CLEC9A: variants seen among roughly 807,000 people sequenced by gnomAD.
The protein encoded by CLEC9A is C-type lectin domain containing 9A.
In CLEC9A, 24 loss-of-function variants were observed where a neutral mutation model predicts 30.0. That is an observed-to-expected ratio of 0.80 (90% CI 0.58 to 1.13). The LOEUF (loss-of-function observed/expected upper bound fraction) is 1.13. CLEC9A is among the 50% of genes most tolerant of loss of function. The pLI is 0.00. For synonymous variants in CLEC9A, 111 were observed against 96.8 expected (o/e 1.15, Z -0.86); for missense variants, 251 against 280.9 (o/e 0.89, Z 0.76).
chr12:10,059,242 A>C (rs1046396321), intron 5 of CLEC9A, among the ~76,000 whole-genome samples: 2 of 152,246 alleles, frequency 1.3e-5, no homozygotes, highest in East Asian at 3.8e-4. Flanking sequence ...TAAAGAATCC[A>C]GAAACAGACT....
At chr12:10,060,936 G>C (rs1439549453) in intron 5 of CLEC9A, 191 bp from the exon 6 acceptor site, 1 of 561,952 alleles carries the variant, frequency 1.8e-6, no homozygotes, top group Non-Finnish European at 2.8e-6. Flanking sequence ...TGGGTGCAAA[G>C]AGACATTTTG....
intron 2 of CLEC9A, among the ~76,000 whole-genome samples, chr12:10,042,867 T>G (rs1269014604): frequency 2.0e-5 from 3 of 152,236 alleles, no homozygotes; most frequent in Admixed American, 6.5e-5. Context: ...AATAATGTAT[T>G]TCTTTGTGTT....
chr12:10,051,598 T>C (rs571858374), intron 2 of CLEC9A, among the ~76,000 whole-genome samples: 1 of 152,290 alleles, frequency 6.6e-6, no homozygotes, highest in South Asian at 2.1e-4. Context: ...GGGGGCCTGA[T>C]TGCTAGGGAG....
At chr12:10,058,704 C>A (rs1302537271) in intron 5 of CLEC9A, among the ~76,000 whole-genome samples, 3 of 152,090 alleles carry the variant, frequency 2.0e-5, no homozygotes, top group Non-Finnish European at 2.9e-5. Context: ...ACCACCACAC[C>A]CAGCTAATTT....
At chr12:10,059,944 G>C (rs889380492) in intron 5 of CLEC9A, among the ~76,000 whole-genome samples, 2 of 152,038 alleles carry the variant, frequency 1.3e-5, no homozygotes, top group African/African-American at 4.8e-5. Flanking sequence ...ATAAGCACAA[G>C]AAAAGATGTT....
rs374405167 is a variant in CLEC9A, at chr12:10,052,775, T to G, written c.88T>G (p.Ser30Ala). 31 of 1,613,392 alleles carry G rather than the reference T, an allele frequency of 1.9e-5. No homozygotes were observed. Among genetic ancestry groups the G allele is most frequent in the Non-Finnish European group, 2.6e-5 (31 of 1,179,784 alleles). ...YQKCLSSNKC[S>A]GACCLVMVIS... is the part of the protein sequence containing the mutation. Reference sequence around the variant, plus strand: ...GAAATGTCTGTCTTCCAACAAATGTTCAGGTAACCAGTTCTAACTATTTTG... The same window carrying G: ...GAAATGTCTGTCTTCCAACAAATGTGCAGGTAACCAGTTCTAACTATTTTG... The change falls in exon 4 of 9, where the codon TCA becomes GCA. Residue 30 changes from serine (S) to alanine (A), a missense_variant. Transcript: ENST00000355819.
intron 8 of CLEC9A, 55 bp from the exon 9 acceptor site, chr12:10,065,445 G>C: frequency 1.2e-6 from 2 of 1,603,972 alleles, no homozygotes; most frequent in Non-Finnish European, 1.7e-6. Context: ...TTACCCTCAG[G>C]AGCATTTCTG....
intron 2 of CLEC9A, among the ~76,000 whole-genome samples, chr12:10,047,417 A>G (rs1865856288): frequency 6.6e-6 from 1 of 152,228 alleles, no homozygotes. Context: ...GCCTACAAAG[A>G]TTTTTTTCCT....
intron 4 of CLEC9A, 57 bp downstream of exon 4, chr12:10,052,835 T>C (rs77272802): frequency 1.3e-5 from 20 of 1,534,788 alleles, no homozygotes; most frequent in East Asian, 9.1e-5. Context: ...TTTTTTTTTT[T>C]CTGCTCTATC....
At chr12:10,051,377 A>T (rs1865891858) in intron 2 of CLEC9A, among the ~76,000 whole-genome samples, 1 of 152,198 alleles carries the variant, frequency 6.6e-6, no homozygotes, top group East Asian at 1.9e-4. Context: ...TAATTGAGCC[A>T]ATAGAAGGCA....
intron 1 of CLEC9A, among the ~76,000 whole-genome samples, chr12:10,031,625 G>A (rs534137966): frequency 6.6e-6 from 1 of 152,128 alleles, no homozygotes; most frequent in Non-Finnish European, 1.5e-5. Flanking sequence ...ATTTTATTTA[G>A]AAACGGGAGT....
intron 2 of CLEC9A, among the ~76,000 whole-genome samples, chr12:10,042,920 A>G (rs1425325521): frequency 1.3e-5 from 2 of 152,152 alleles, no homozygotes; most frequent in Non-Finnish European, 2.9e-5. Flanking sequence ...CATGTTTGGT[A>G]GTCTGAAAGT....
chr12:10,062,937 TG>T, intron 6 of CLEC9A, 117 bp from the exon 7 acceptor site: 1 of 755,062 alleles, frequency 1.3e-6, no homozygotes, highest in Non-Finnish European at 2.0e-6. Context: ...CTACATCATG[TG>T]GACCATTACG....
intron 1 of CLEC9A, among the ~76,000 whole-genome samples, chr12:10,038,815 G>C (rs538006680): frequency 2.7e-5 from 4 of 150,814 alleles, no homozygotes; most frequent in African/African-American, 9.8e-5. Flanking sequence ...GTTTATTAAA[G>C]TAGTTATAGG....
In CLEC9A at chr12:10,052,788, TCTAA is replaced by T. The variant is rs745932849; in HGVS notation, c.91+14_91+17del. The T allele has an allele frequency of 1.2e-5, 20 of 1,612,594 alleles. No individual in the cohort carries two copies. The highest frequency in any genetic ancestry group is 1.4e-5 in the Non-Finnish European group (16 of 1,179,416). On this transcript the variant is annotated intron_variant, in intron 4 of 8. Coordinates refer to ENST00000355819, the MANE Select transcript of CLEC9A (RefSeq NM_207345.4). ...TCCAACAAATGTTCAGGTAACCAGT[TCTAA>T]CTATTTTGTGTGAGACTTTAGAGTT... is the stretch of plus-strand genomic sequence containing the variant.
chr12:10,035,515 T>G (rs1865737401), intron 1 of CLEC9A, among the ~76,000 whole-genome samples: 2 of 152,202 alleles, frequency 1.3e-5, no homozygotes, highest in Admixed American at 6.5e-5. Flanking sequence ...AATCCTCAAT[T>G]CAAATATACT....
At position 10,065,499 on chromosome 12, in the gene CLEC9A, G is replaced by A; in HGVS notation, c.594-1G>A. 2 of 1,613,588 alleles carry A rather than the reference G, an allele frequency of 1.2e-6. No individual in the cohort carries two copies. Among genetic ancestry groups the A allele is most frequent in the Non-Finnish European group, 1.7e-6 (2 of 1,179,714 alleles). On this transcript the variant is annotated splice_acceptor_variant, in intron 8 of 8. Coordinates refer to ENST00000355819, the MANE Select transcript of CLEC9A (RefSeq NM_207345.4). LOFTEE classifies it high-confidence loss of function. ...TCAGAAATGTTGACTTGCTTTTCCA[G>A]GTTGCCAGCAGAGAGATCCCAGTCA...
chr12:10,049,161 T>C (rs956892859), intron 2 of CLEC9A, among the ~76,000 whole-genome samples: 6 of 152,266 alleles, frequency 3.9e-5, no homozygotes, highest in Middle Eastern at 3.4e-3. Context: ...AAAGGTTTTT[T>C]TTTCTGAGCA....
chr12:10,050,988 T>C (rs533945408), intron 2 of CLEC9A, among the ~76,000 whole-genome samples: 2 of 152,236 alleles, frequency 1.3e-5, no homozygotes, highest in South Asian at 4.1e-4. Context: ...GCGGATCACC[T>C]GAGGTCAGGA....
Sources: allele counts gnomAD v4.1 joint callset (sites outside exome capture counted in the v4.1 genomes callset), GRCh38; gene constraint gnomAD v4.1.1; transcripts MANE v1.5; gene names NCBI Gene and HGNC (gene_info 2026-07-23, HGNC 2026-07-21).